The following SMG6 variants were observed in gnomAD, a reference collection of about 807,000 sequenced individuals.
SMG6 encodes the protein SMG6 nonsense mediated mRNA decay factor.
In SMG6, 66 loss-of-function variants were observed where a neutral mutation model predicts 142.2. That is an observed-to-expected ratio of 0.46 (90% CI 0.38 to 0.57). The LOEUF (loss-of-function observed/expected upper bound fraction) is 0.57. SMG6 is among the 20% of genes least tolerant of loss of function. The pLI is 0.00. For missense variants in SMG6, 1,793 were observed against 1,832.0 expected (o/e 0.98, Z 0.39); for synonymous variants, 779 against 702.4 (o/e 1.11, Z -1.72).
intron 9 of SMG6, chr17:2,237,379 T>C (rs1291270155): frequency 4.8e-5 from 20 of 415,204 alleles, no homozygotes; most frequent in Non-Finnish European, 6.5e-5. Flanking sequence ...AAAGATATTT[T>C]ACCCAAGCGT....
intron 10 of SMG6, among the ~76,000 whole-genome samples, chr17:2,217,918 G>A (rs1390268422): frequency 6.6e-6 from 1 of 151,978 alleles, no homozygotes; most frequent in Non-Finnish European, 1.5e-5. Context: ...GGCGAGACAG[G>A]AGAATCGCTT....
At chr17:2,078,351 TC>T (rs1034805544) in intron 15 of SMG6, among the ~76,000 whole-genome samples, 70 of 152,100 alleles carry the variant, frequency 4.6e-4, no homozygotes, top group African/African-American at 1.7e-3. Context: ...AAGATGATGC[TC>T]TAGTTGCTAC....
At position 2,089,082 on chromosome 17, in the gene SMG6, AG is replaced by A. The variant is rs200803867; in HGVS notation, c.3358-3182del. On this transcript the variant is annotated intron_variant, in intron 13 of 18. Coordinates refer to ENST00000263073, the MANE Select transcript of SMG6 (RefSeq NM_017575.5). ...GTCTAGGAGGACTTCCTGGTAGGAG[AG>A]GGGTTAAAGCTGGACTCCCTGCTTG... Among the ~76,000 whole-genome samples, 624 of 152,320 alleles carry A rather than the reference AG, an allele frequency of 4.1e-3. 5 individuals are homozygous for A. Among genetic ancestry groups the A allele is most frequent in the African/African-American group, 0.013 (521 of 41,566 alleles).
At chr17:2,119,684 C>T (rs1007498067) in intron 13 of SMG6, among the ~76,000 whole-genome samples, 8 of 151,650 alleles carry the variant, frequency 5.3e-5, no homozygotes, top group South Asian at 4.2e-4. Context: ...TTTTTTGAGA[C>T]GGAGTCTTGC....
chr17:2,096,287 T>C (rs2068853518), intron 13 of SMG6, among the ~76,000 whole-genome samples: 1 of 152,184 alleles, frequency 6.6e-6, no homozygotes, highest in Non-Finnish European at 1.5e-5. Context: ...CACTGCAACC[T>C]TCGTCTTGAA....
Position 2,283,927 on chromosome 17 carries a change from GTAT to G in SMG6, c.2338-195_2338-193del, listed in dbSNP as rs200913862. ...TACATCACAGATCTCTTCTTGCACA[GTAT>G]TATATCTTACATGCAGAGGTGCTCC... is the stretch of plus-strand genomic sequence containing the variant. On this transcript the variant is annotated intron_variant, in intron 6 of 18. Coordinates refer to ENST00000263073, the MANE Select transcript of SMG6 (RefSeq NM_017575.5). Among the ~76,000 whole-genome samples, 1,507 of 152,268 alleles carry G rather than the reference GTAT, an allele frequency of 9.9e-3. 16 individuals are homozygous for G. Among genetic ancestry groups the G allele is most frequent in the Non-Finnish European group, 0.016 (1,055 of 68,016 alleles).
intron 13 of SMG6, among the ~76,000 whole-genome samples, chr17:2,126,335 G>C (rs1362372389): frequency 6.6e-6 from 1 of 152,042 alleles, no homozygotes; most frequent in African/African-American, 2.4e-5. Context: ...GCTAAAACTA[G>C]AAAACTCTTA....
At chr17:2,298,820 A>G in intron 2 of SMG6, 86 bp downstream of exon 2, 6 of 1,346,484 alleles carry the variant, frequency 4.5e-6, no homozygotes, top group South Asian at 1.4e-5. Flanking sequence ...GCTCAGCTAA[A>G]AAGTTTCTAC....
chr17:2,290,935 G>A (rs1862222602), intron 6 of SMG6, among the ~76,000 whole-genome samples: 2 of 152,154 alleles, frequency 1.3e-5, no homozygotes, highest in Admixed American at 1.3e-4. Context: ...ATCCAGAACA[G>A]GTAAAGATAC....
intron 4 of SMG6, among the ~76,000 whole-genome samples, chr17:2,293,830 C>T (rs1428482178): frequency 6.6e-6 from 1 of 152,166 alleles, no homozygotes; most frequent in African/African-American, 2.4e-5. Flanking sequence ...CTGAATTGTA[C>T]CACGGCATTA....
chr17:2,273,238 A>G (rs11869805), intron 8 of SMG6, among the ~76,000 whole-genome samples: 64,749 of 151,700 alleles, frequency 0.43, 15,062 homozygotes, highest in African/African-American at 0.62. Context: ...ATAACTGGTC[A>G]GGTGTGGTGG....
At chr17:2,201,645 C>G (rs1289782543) in intron 10 of SMG6, among the ~76,000 whole-genome samples, 1 of 149,224 alleles carries the variant, frequency 6.7e-6, no homozygotes, top group Non-Finnish European at 1.5e-5. Flanking sequence ...CGCCACTGCA[C>G]TACAGCCTGG....
At chr17:2,145,674 G>C (rs1280684708) in intron 13 of SMG6, among the ~76,000 whole-genome samples, 4 of 125,076 alleles carry the variant, frequency 3.2e-5, no homozygotes, top group African/African-American at 1.3e-4. Context: ...AAAGCATATA[G>C]CTTACCTTTG....
Position 2,086,339 on chromosome 17 carries a change from C to T in SMG6, c.3358-438G>A, listed in dbSNP as rs559389726. ...CCTCTCCCAGCACCCCTGCTCCAGA[C>T]TCCCAAAAGGAGAATTTTCAGCCCA... On this transcript the variant is annotated intron_variant, in intron 13 of 18. Transcript: ENST00000263073. Among the ~76,000 whole-genome samples the T allele has an allele frequency of 7.9e-5, 12 of 152,302 alleles. No homozygotes were observed. In the East Asian group the frequency reaches 1.2e-3, roughly 15 times the overall value.
chr17:2,087,187 G>C (rs1237067092), intron 13 of SMG6: 2 of 1,290,470 alleles, frequency 1.5e-6, no homozygotes, highest in African/African-American at 3.0e-5. Context: ...TCACTGGCAA[G>C]AATTGTAAGG....
intron 1 of SMG6, among the ~76,000 whole-genome samples, chr17:2,302,054 A>G (rs543308001): frequency 2.0e-5 from 3 of 151,920 alleles, no homozygotes; most frequent in African/African-American, 7.2e-5. Flanking sequence ...GGAGTTCGAG[A>G]TCAGCCTGGG....
At chr17:2,288,484 G>A (rs1358101264) in intron 6 of SMG6, among the ~76,000 whole-genome samples, 1 of 148,220 alleles carries the variant, frequency 6.7e-6, no homozygotes, top group African/African-American at 2.5e-5. Flanking sequence ...TAGCCAAGTG[G>A]GGTGGCATGC....
intron 13 of SMG6, among the ~76,000 whole-genome samples, chr17:2,129,793 C>CAAA (rs57556112): frequency 0.038 from 2,132 of 56,304 alleles, 521 homozygotes; most frequent in Non-Finnish European, 0.052. Context: ...GGCTCTGTCT[C>CAAA]AAAAAAAAAA....
intron 10 of SMG6, among the ~76,000 whole-genome samples, chr17:2,195,166 G>A (rs767226373): frequency 2.3e-4 from 35 of 152,178 alleles, no homozygotes; most frequent in Non-Finnish European, 4.0e-4. Flanking sequence ...CCTCTCTGAC[G>A]TAATCAGGAA....
Sources: allele counts gnomAD v4.1 joint callset (sites outside exome capture counted in the v4.1 genomes callset), GRCh38; gene constraint gnomAD v4.1.1; transcripts MANE v1.5; gene names NCBI Gene and HGNC (gene_info 2026-07-23, HGNC 2026-07-21).